The following FAM227B variants were observed in gnomAD, a reference collection of about 807,000 sequenced individuals.
The protein encoded by FAM227B is family with sequence similarity 227 member B.
A neutral mutation model predicts 73.8 loss-of-function variants in FAM227B; 88 were observed. The observed-to-expected ratio is 1.19, with a 90% CI of 1.00 to 1.42. The LOEUF is 1.42. Among genes scored for constraint, FAM227B ranks in the 40% most tolerant of loss-of-function variants. The pLI, the probability that FAM227B is intolerant of heterozygous loss-of-function variation, is 0.00. For missense variants in FAM227B, 632 were observed against 590.9 expected (o/e 1.07, Z -0.72); for synonymous variants, 210 against 190.5 (o/e 1.10, Z -0.84).
chr15:49,366,492 T>C lies in FAM227B; in HGVS notation c.1271+956A>G, dbSNP rs2045213340. 2.5e-6 allele frequency: 3 copies of C among 1,217,270 alleles called. No homozygotes were observed. The African/African-American group carries it at 4.4e-5, about 18-fold the overall frequency. 75.4% of individuals were successfully genotyped at this position (1,217,270 alleles called of 1,614,324 possible). On this transcript the variant is annotated intron_variant, in intron 13 of 15. Transcript: ENST00000299338. ...CATAGTGGTGCGGAAGTCAGATTCA[T>C]CAAACTAATGGAAGTTGCATTTTCT...
chr15:49,336,229 G>A (rs1187490983), intron 13 of FAM227B, among the ~76,000 whole-genome samples: 1 of 152,234 alleles, frequency 6.6e-6, no homozygotes, highest in East Asian at 1.9e-4. Flanking sequence ...CAGAAGAAAG[G>A]TGGTAATCAG....
chr15:49,458,214 C>A (rs368016765), intron 11 of FAM227B, among the ~76,000 whole-genome samples: 12 of 151,794 alleles, frequency 7.9e-5, no homozygotes, highest in Admixed American at 7.2e-4. Context: ...TCCTCAAGTA[C>A]CAATGACAAT....
chr15:49,339,969 C>A (rs1160580734), intron 13 of FAM227B, among the ~76,000 whole-genome samples: 1 of 152,172 alleles, frequency 6.6e-6, no homozygotes, highest in Admixed American at 6.5e-5. Context: ...CCCCTCCCCC[C>A]ACCAAGCTTG....
intron 11 of FAM227B, among the ~76,000 whole-genome samples, chr15:49,463,566 AT>A (rs201942155): frequency 7.9e-5 from 12 of 151,400 alleles, no homozygotes; most frequent in Admixed American, 2.0e-4. Context: ...AAAAAAAAAA[AT>A]ATCCAAACTC....
chr15:49,612,984 A>G (rs1030452487), intron 2 of FAM227B, among the ~76,000 whole-genome samples: 4 of 152,306 alleles, frequency 2.6e-5, no homozygotes, highest in Non-Finnish European at 4.4e-5. Flanking sequence ...TAGAGATAGA[A>G]TGATGGTTGC....
At chr15:49,544,275 A>T (rs2071501487) in intron 9 of FAM227B, among the ~76,000 whole-genome samples, 1 of 152,062 alleles carries the variant, frequency 6.6e-6, no homozygotes, top group African/African-American at 2.4e-5. Context: ...GCTGTTGTAA[A>T]ACGGACTGAG....
intron 11 of FAM227B, chr15:49,424,133 T>C: frequency 1.8e-6 from 1 of 566,142 alleles, no homozygotes; most frequent in Non-Finnish European, 3.1e-6. Flanking sequence ...TGTGTTGTTA[T>C]CAGGAACTAA....
intron 11 of FAM227B, among the ~76,000 whole-genome samples, chr15:49,499,543 C>A (rs1385415441): frequency 6.6e-6 from 1 of 152,106 alleles, no homozygotes; most frequent in Non-Finnish European, 1.5e-5. Flanking sequence ...AACTGACTAG[C>A]AGTTTTTCAA....
intron 10 of FAM227B, among the ~76,000 whole-genome samples, chr15:49,525,363 C>T (rs908597000): frequency 6.6e-6 from 1 of 152,026 alleles, no homozygotes. Flanking sequence ...TCCTCCTTGC[C>T]TTCTGCCATG....
In FAM227B at chr15:49,554,383, G is replaced by A. The variant is rs184435328; in HGVS notation, c.748-12577C>T. ...CAGTAATAGGTCTTGCTTAAGAGTC[G>A]CAGTCCTTATGGCCTAGACTCTCAG... On this transcript the variant is annotated intron_variant, in intron 9 of 15. Coordinates refer to ENST00000299338, the MANE Select transcript of FAM227B (RefSeq NM_152647.3). Among the ~76,000 whole-genome samples the A allele has an allele frequency of 2.1e-3, 322 of 152,276 alleles. 1 individual carries two copies. Among genetic ancestry groups the A allele is most frequent in the Middle Eastern group, 6.8e-3 (2 of 294 alleles).
intron 11 of FAM227B, among the ~76,000 whole-genome samples, chr15:49,448,603 CT>C (rs953275297): frequency 1.3e-5 from 2 of 151,416 alleles, no homozygotes; most frequent in African/African-American, 2.4e-5. Flanking sequence ...ATTCTCTTCA[CT>C]TTTTTTCAGT....
At chr15:49,389,976 C>T (rs1436944312) in intron 11 of FAM227B, among the ~76,000 whole-genome samples, 1 of 152,058 alleles carries the variant, frequency 6.6e-6, no homozygotes, top group Non-Finnish European at 1.5e-5. Context: ...TTACGCAGTG[C>T]TTCTCTATGG....
At chr15:49,360,453 G>A (rs985015219) in intron 13 of FAM227B, among the ~76,000 whole-genome samples, 2 of 152,016 alleles carry the variant, frequency 1.3e-5, no homozygotes, top group Non-Finnish European at 2.9e-5. Flanking sequence ...TTGGCTCTGA[G>A]TTTTCAATTT....
Position 49,615,124 on chromosome 15 carries a change from G to T in FAM227B, c.48C>A (p.Pro16=). 1 of 1,613,224 alleles carries T rather than the reference G, an allele frequency of 6.2e-7. No individual in the cohort carries two copies. Among genetic ancestry groups the T allele is most frequent in the South Asian group, 1.1e-5 (1 of 91,072 alleles). Residue 16 remains proline, a synonymous_variant, in exon 2 of 16, where the codon CCC becomes CCA. Coordinates refer to ENST00000299338, the MANE Select transcript of FAM227B (RefSeq NM_152647.3). The part of the protein sequence containing the change: ...TCQRRSSRAG[P]GKMQEPPKSI... ...AAAGCTGTGGAAGCTTCCTTACCCCGGGGCCAGCTCTGCTGCTCCTCCTTT... is the reference window on the plus strand; with the variant it reads ...AAAGCTGTGGAAGCTTCCTTACCCCTGGGCCAGCTCTGCTGCTCCTCCTTT...
chr15:49,380,114 T>C (rs1360097947), intron 11 of FAM227B, among the ~76,000 whole-genome samples: 1 of 152,164 alleles, frequency 6.6e-6, no homozygotes, highest in Admixed American at 6.5e-5. Context: ...GGACCTCTCT[T>C]TCTTCCCCTT....
chr15:49,471,505 T>C (rs1262226244), intron 11 of FAM227B, among the ~76,000 whole-genome samples: 1 of 146,572 alleles, frequency 6.8e-6, no homozygotes, highest in Non-Finnish European at 1.5e-5. Flanking sequence ...ATAATAATAA[T>C]AATAATAATA....
chr15:49,497,555 C>T (rs1382797593), intron 11 of FAM227B, among the ~76,000 whole-genome samples: 1 of 152,164 alleles, frequency 6.6e-6, no homozygotes, highest in Non-Finnish European at 1.5e-5. Flanking sequence ...TATAAAAACA[C>T]AGAAGATAGT....
intron 1 of FAM227B, among the ~76,000 whole-genome samples, chr15:49,616,633 G>A (rs1338130589): frequency 6.6e-6 from 1 of 152,098 alleles, no homozygotes; most frequent in African/African-American, 2.4e-5. Flanking sequence ...CTTTAAAACT[G>A]TGAGAAAATA....
intron 11 of FAM227B, among the ~76,000 whole-genome samples, chr15:49,380,863 T>C (rs974101890): frequency 6.6e-6 from 1 of 152,144 alleles, no homozygotes; most frequent in African/African-American, 2.4e-5. Context: ...TGTTAGTCCA[T>C]TCTTGCATTG....
Sources: gnomAD v4.1 joint callset for allele counts (sites outside exome capture counted in the v4.1 genomes callset) on GRCh38, gnomAD v4.1.1 for gene constraint, MANE v1.5 for transcripts, NCBI Gene and HGNC (gene_info 2026-07-23, HGNC 2026-07-21) for gene names.